The following HMOX1 variants were observed in gnomAD, a reference collection of about 807,000 sequenced individuals.
HMOX1 encodes heme oxygenase 1.
In HMOX1, 22 loss-of-function variants were observed where a neutral mutation model predicts 27.8. That is an observed-to-expected ratio of 0.79 (90% confidence interval 0.57 to 1.13). HMOX1 has a LOEUF of 1.13. Ranked by LOEUF, HMOX1 falls within the 50% of genes most tolerant of loss-of-function variation. The pLI is 0.00. For synonymous variants in HMOX1, 153 were observed against 151.6 expected, an observed-to-expected ratio of 1.01 and a Z score of -0.07; for missense variants, 379 against 377.7, an observed-to-expected ratio of 1.00 and a Z score of -0.03.
intron 1 of HMOX1, among the ~76,000 whole-genome samples, 191 bp from the exon 2 acceptor site, chr22:35,382,915 C>T (rs1468977667): frequency 6.6e-6 from 1 of 152,150 alleles, no homozygotes; most frequent in Non-Finnish European, 1.5e-5. Flanking sequence ...GCCTTGGCCT[C>T]CCAAAGCGCT....
intron 2 of HMOX1, 50 bp from the exon 3 acceptor site, chr22:35,386,635 T>TG: frequency 1.9e-6 from 3 of 1,612,164 alleles, no homozygotes; most frequent in Non-Finnish European, 2.5e-6. Context: ...CGGACAGAGG[T>TG]GGGGGTCTTC....
intron 2 of HMOX1, among the ~76,000 whole-genome samples, chr22:35,385,457 A>G (rs1931479087): frequency 2.1e-5 from 3 of 140,714 alleles, no homozygotes; most frequent in Admixed American, 7.2e-5. Context: ...TTTTTCTGAG[A>G]CAGGGTCTTG....
chr22:35,386,493 A>G (rs1274067405), intron 2 of HMOX1, among the ~76,000 whole-genome samples, 192 bp from the exon 3 acceptor site: 1 of 152,194 alleles, frequency 6.6e-6, no homozygotes, highest in Non-Finnish European at 1.5e-5. Flanking sequence ...GAGAAAGTGC[A>G]TGATCGTCTT....
intron 3 of HMOX1, among the ~76,000 whole-genome samples, chr22:35,388,812 AC>A (rs200592299): frequency 1.4e-5 from 2 of 143,190 alleles, no homozygotes; most frequent in African/African-American, 6.0e-5. Flanking sequence ...CAAAAAACAA[AC>A]AAAAAAAAAC....
chr22:35,386,765 C>T lies in HMOX1; in HGVS notation c.225C>T (p.Ala75=), dbSNP rs781006924. ...IERNKESPVF[A]PVYFPEELHR... The stretch of plus-strand genomic sequence containing the variant: ...GCAACAAGGAGAGCCCAGTCTTCGC[C>T]CCTGTCTACTTCCCAGAAGAGCTGC... Residue 75 remains alanine, a synonymous_variant, in exon 3 of 5, where the codon GCC becomes GCT. Transcript: ENST00000216117. 4 of 1,614,102 alleles carry T rather than the reference C, an allele frequency of 2.5e-6. No homozygotes were observed. The highest frequency in any genetic ancestry group is 3.4e-6 in the Non-Finnish European group (4 of 1,180,038).
chr22:35,381,948 C>T (rs1292503658), intron 1 of HMOX1, among the ~76,000 whole-genome samples: 1 of 152,010 alleles, frequency 6.6e-6, no homozygotes, highest in Non-Finnish European at 1.5e-5. Flanking sequence ...GGGATACGGA[C>T]CCATGACAGA....
rs547499377 is a variant in HMOX1 at position 35,390,968 on chromosome 22, G to A, written c.736+1005G>A. Reference sequence around the variant, plus strand: ...ACCCTCACTAAGCCTAAAACACTGAGGGAGGGAGTGTGGCTTTGGGATGGG... The same window carrying A: ...ACCCTCACTAAGCCTAAAACACTGAAGGAGGGAGTGTGGCTTTGGGATGGG... On this transcript the variant is annotated intron_variant, in intron 4 of 4. Transcript: ENST00000216117. 3.9e-5 allele frequency among the ~76,000 whole-genome samples: 6 copies of A among 152,290 alleles called. No homozygotes were observed. The South Asian group carries it at 1.0e-3, about 26-fold the overall frequency.
Position 35,389,444 on chromosome 22 carries a change from CTTTCTTTT to C in HMOX1, c.637-419_637-412del, listed in dbSNP as rs1569057825. Among the ~76,000 whole-genome samples, 16 of 109,952 alleles carry C rather than the reference CTTTCTTTT, an allele frequency of 1.5e-4. 1 individual carries two copies. In the East Asian group the frequency reaches 1.9e-3, roughly 13 times the overall value. The allele number at this position is 109,952 out of a possible 152,430, so 72.1% of individuals were successfully genotyped here. A position where few individuals can be genotyped will look rare whatever the true frequency, so the allele number is the denominator to read the frequency against. On this transcript the variant is annotated intron_variant, in intron 3 of 4. Coordinates refer to ENST00000216117, the MANE Select transcript of HMOX1 (RefSeq NM_002133.3). Reference sequence around the variant, plus strand: ...TCTTTCTTTCTATCTTTCTTTCTTTCTTTCTTTTCTTTCTTTCTTGCAGAGTCTCGCCC... The same window carrying C: ...TCTTTCTTTCTATCTTTCTTTCTTTCCTTTCTTTCTTGCAGAGTCTCGCCC...
intron 2 of HMOX1, among the ~76,000 whole-genome samples, chr22:35,384,167 C>T (rs564858414): frequency 3.9e-5 from 6 of 152,128 alleles, no homozygotes; most frequent in East Asian, 3.9e-4. Context: ...CTGAAACCTC[C>T]GCATCCTAAG....
chr22:35,390,122 C>T (rs1301815162), intron 4 of HMOX1, 159 bp downstream of exon 4: 6 of 683,162 alleles, frequency 8.8e-6, no homozygotes, highest in Admixed American at 6.1e-5. Context: ...GACAGGTTCT[C>T]GCTATATTGC....
intron 2 of HMOX1, among the ~76,000 whole-genome samples, chr22:35,384,743 T>G (rs1931466154): frequency 6.7e-6 from 1 of 149,270 alleles, no homozygotes; most frequent in South Asian, 2.2e-4. Context: ...ATCCTCTCAC[T>G]TAATCCTCAC....
Position 35,386,678 on chromosome 22 carries a change from CT to C in HMOX1, c.145-4del, listed in dbSNP as rs1175662839. Reference sequence around the variant, plus strand: ...CTGGCGGCCTGACCTGCTCACTCTGCTTTCAGCTGGTGATGGCCTCCCTGTA... The same window carrying C: ...CTGGCGGCCTGACCTGCTCACTCTGCTTCAGCTGGTGATGGCCTCCCTGTA... On this transcript the variant is annotated splice_polypyrimidine_tract_variant and splice_region_variant and intron_variant, in intron 2 of 4. Coordinates refer to ENST00000216117, the MANE Select transcript of HMOX1 (RefSeq NM_002133.3). The C allele has an allele frequency of 1.2e-6, 2 of 1,614,088 alleles. No homozygotes were observed. The highest frequency in any genetic ancestry group is 2.2e-5 in the East Asian group (1 of 44,876).
Position 35,386,982 on chromosome 22 carries a change from A to G in HMOX1, c.442A>G (p.Lys148Glu), listed in dbSNP as rs1275901787. The G allele has an allele frequency of 4.3e-6, 7 of 1,613,864 alleles. No homozygotes were observed. The highest frequency in any genetic ancestry group is 5.1e-6 in the Non-Finnish European group (6 of 1,180,040). ...LGDLSGGQVL[K>E]KIAQKALDLP... ...TGACCTGTCTGGGGGCCAGGTGCTC[A>G]AAAAGATTGCCCAGAAAGCCCTGGA... is the stretch of plus-strand genomic sequence containing the variant. Residue 148 changes from lysine (K) to glutamate (E), a missense_variant, in exon 3 of 5, where the codon AAA (lysine) becomes GAA (glutamate). Lys to Glu is a moderately conservative substitution (Grantham distance 56). Coordinates refer to ENST00000216117, the MANE Select transcript of HMOX1 (RefSeq NM_002133.3).
intron 1 of HMOX1, 26 bp from the exon 2 acceptor site, chr22:35,383,080 G>A: frequency 6.2e-7 from 1 of 1,612,436 alleles, no homozygotes; most frequent in Non-Finnish European, 8.5e-7. Flanking sequence ...CCAGCTTTGT[G>A]TTCACCTTTC....
chr22:35,390,494 G>A (rs1002398156), intron 4 of HMOX1, among the ~76,000 whole-genome samples: 1 of 152,120 alleles, frequency 6.6e-6, no homozygotes, highest in Admixed American at 6.5e-5. Flanking sequence ...CTCCCAAAGT[G>A]CTGAGATTAC....
chr22:35,389,936 C>T lies in HMOX1; in HGVS notation c.709C>T (p.Arg237Cys), dbSNP rs145427664. ...GAGCCCCTCACGGGCACCAGGGCTT[C>T]GCCAGCGGGCCAGCAACAAAGTGCA... Reference protein sequence around the residue: ...DQSPSRAPGLRQRASNKVQDS... With the variant: ...DQSPSRAPGLCQRASNKVQDS... The change falls in exon 4 of 5, where the codon CGC becomes TGC. Residue 237 changes from arginine to cysteine, a missense_variant. Coordinates refer to ENST00000216117, the MANE Select transcript of HMOX1 (RefSeq NM_002133.3). 56 of 1,611,538 alleles carry T rather than the reference C, an allele frequency of 3.5e-5. No individual in the cohort carries two copies. Among genetic ancestry groups the T allele is most frequent in the East Asian group, 1.1e-4 (5 of 44,888 alleles).
In HMOX1 at chr22:35,381,107, C is replaced by T; in HGVS notation, c.-67C>T. On this transcript the variant is annotated 5_prime_UTR_variant, in exon 1 of 5. Coordinates refer to ENST00000216117, the MANE Select transcript of HMOX1 (RefSeq NM_002133.3). ...CGGCTCCGGCAGTCAACGCCTGCCT[C>T]CTCTCGAGCGTCCTCAGCGCAGCCG... 1 of 1,530,980 alleles carries T rather than the reference C, an allele frequency of 6.5e-7. No homozygotes were observed. Among genetic ancestry groups the T allele is most frequent in the Non-Finnish European group, 8.7e-7 (1 of 1,143,058 alleles). 94.8% of individuals were successfully genotyped at this position (1,530,980 alleles called of 1,614,324 possible).
intron 3 of HMOX1, among the ~76,000 whole-genome samples, chr22:35,389,373 TTCCTTCCTTCCTTC>T (rs1931632004): frequency 1.0e-4 from 7 of 69,060 alleles, no homozygotes; most frequent in Admixed American, 5.0e-4. Context: ...CCTTCCTTCC[TTCCTTCCTTCCTTC>T]CTTCCTTCCT....
intron 1 of HMOX1, among the ~76,000 whole-genome samples, chr22:35,381,568 T>G (rs1201974076): frequency 6.6e-6 from 1 of 151,990 alleles, no homozygotes; most frequent in African/African-American, 2.4e-5. Flanking sequence ...TTGGTTCTCT[T>G]GGTGGCATCT....
Sources: gnomAD v4.1 joint callset for allele counts (sites outside exome capture counted in the v4.1 genomes callset) on GRCh38, gnomAD v4.1.1 for gene constraint, MANE v1.5 for transcripts, NCBI Gene and HGNC (gene_info 2026-07-23, HGNC 2026-07-21) for gene names.